SON: variants seen among roughly 807,000 people sequenced by gnomAD.
The protein encoded by SON is SON DNA and RNA binding protein, also known as protein SON.
SON carries 4 observed loss-of-function variants against 173.3 expected under a neutral mutation model. That is an observed-to-expected ratio of 0.02 (90% CI 0.01 to 0.05). SON has a LOEUF of 0.05. Ranked by LOEUF, SON falls within the 10% of genes least tolerant of loss-of-function variation. The pLI, the probability that SON is intolerant of heterozygous loss-of-function variation, is 1.00. For synonymous variants in SON, 1,190 were observed against 1,105.9 expected (o/e 1.08, Z -1.51); for missense variants, 2,626 against 3,055.3 (o/e 0.86, Z 3.31).
Position 33,553,539 on chromosome 21 carries a change from A to G in SON, c.4308A>G (p.Pro1436=), listed in dbSNP as rs1434837184. 1 of 1,614,176 alleles carries G rather than the reference A, an allele frequency of 6.2e-7. No individual in the cohort carries two copies. The highest frequency in any genetic ancestry group is 2.2e-5 in the East Asian group (1 of 44,882). The change falls in exon 3 of 12, where the codon CCA becomes CCG. Residue 1436 remains proline (P), a synonymous_variant. Coordinates refer to ENST00000356577, the MANE Select transcript of SON (RefSeq NM_138927.4). ...VLQPSMIVSE[P]SVSVQESTVT... is the part of the protein sequence containing the mutation. ...AACCTTCTATGATTGTTTCAGAACC[A>G]TCTGTTTCTGTCCAGGAATCGACTG...
Position 33,559,885 on chromosome 21 carries a change from T to A in SON, c.6657+110T>A, listed in dbSNP as rs765741571. The A allele has an allele frequency of 1.2e-6, 2 of 1,606,844 alleles. No individual in the cohort carries two copies. Among genetic ancestry groups the A allele is most frequent in the Non-Finnish European group, 1.7e-6 (2 of 1,174,640 alleles). The stretch of plus-strand genomic sequence containing the variant: ...TGTTTCACTCTTCTTAGGGCCGGGT[T>A]AAACGGCAGGGCCGGGTTAGACGAC... On this transcript the variant is annotated intron_variant, in intron 6 of 11. Transcript: ENST00000356577. The surrounding 1 kb of genome is among the most constrained non-coding windows in gnomAD (Gnocchi z 4.1).
intron 4 of SON, chr21:33,557,702 A>AATCTTCAGAAATG: frequency 7.0e-7 from 1 of 1,438,198 alleles, no homozygotes; most frequent in Non-Finnish European, 9.1e-7. Context: ...AGACACAGAC[A>AATCTTCAGAAATG]ATCTTCAGAA....
In SON at chr21:33,552,185, G is replaced by A; in HGVS notation, c.2954G>A (p.Arg985Lys). 1.9e-6 allele frequency: 3 copies of A among 1,614,102 alleles called. No individual in the cohort carries two copies. The highest frequency in any genetic ancestry group is 2.5e-6 in the Non-Finnish European group (3 of 1,179,980). ...RSYRIAPRPY[R>K]LAPRPLMLAS... is the part of the protein sequence containing the mutation. ...TATAGAATAGCACCCAGGCCATATA[G>A]GTTAGCACCTAGACCCCTGATGTTA... Residue 985 changes from arginine (R) to lysine (K), a missense_variant, in exon 3 of 12, where the codon AGG becomes AAG. Around this residue, in one of 13 missense-constraint regions of SON, gnomAD observed 366 missense variants for 448.6 expected, o/e 0.82. Transcript: ENST00000356577. The surrounding 1 kb of genome is among the most constrained non-coding windows in gnomAD (Gnocchi z 5.6).
At chr21:33,574,780 T>TA (rs1242394166) in intron 9 of SON, among the ~76,000 whole-genome samples, 1 of 152,226 alleles carries the variant, frequency 6.6e-6, no homozygotes, top group African/African-American at 2.4e-5. Context: ...TGTTTGGGTT[T>TA]AGCAATGTAG....
Position 33,551,009 on chromosome 21 carries a change from C to T in SON, c.1778C>T (p.Ala593Val). 6.2e-7 allele frequency: 1 copy of T among 1,607,502 alleles called. No individual in the cohort carries two copies. Among genetic ancestry groups the T allele is most frequent in the Non-Finnish European group, 8.5e-7 (1 of 1,176,248 alleles). Residue 593 changes from alanine (A) to valine (V), a missense_variant, in exon 3 of 12, where the codon GCA (alanine) becomes GTA (valine). By Grantham distance (64) the Ala-to-Val change is moderately conservative. Coordinates refer to ENST00000356577, the MANE Select transcript of SON (RefSeq NM_138927.4). ...TCGGGGCAGCCTGTGGCAACTGGGGCACTAGAGTTGCCTGGGCCGCTCATG... is the reference window on the plus strand; with the variant it reads ...TCGGGGCAGCCTGTGGCAACTGGGGTACTAGAGTTGCCTGGGCCGCTCATG... ...ELSGQPVATG[A>V]LELPGPLMAA...
At chr21:33,566,239 A>C (rs1202602129) in intron 6 of SON, among the ~76,000 whole-genome samples, 1 of 152,146 alleles carries the variant, frequency 6.6e-6, no homozygotes, top group Non-Finnish European at 1.5e-5. Flanking sequence ...GGAAATAATA[A>C]TAATGTTAAA....
At chr21:33,575,043 A>G (rs1464584158) in intron 9 of SON, among the ~76,000 whole-genome samples, 3 of 151,542 alleles carry the variant, frequency 2.0e-5, no homozygotes, top group Admixed American at 6.6e-5. Context: ...GCAATAAGCT[A>G]TTTTTTTTCT....
intron 6 of SON, among the ~76,000 whole-genome samples, chr21:33,566,119 ATTTG>A (rs1225928311): frequency 1.5e-4 from 23 of 152,130 alleles, no homozygotes; most frequent in Admixed American, 9.2e-4. Context: ...ACTTCCCCGT[ATTTG>A]TTATGTTCAT....
At chr21:33,555,838 A>T (rs1028600328) in intron 3 of SON, among the ~76,000 whole-genome samples, 2 of 152,218 alleles carry the variant, frequency 1.3e-5, no homozygotes, top group Non-Finnish European at 2.9e-5. Context: ...AGGACTGTTA[A>T]ATGAAGGTAA....
At position 33,554,517 on chromosome 21, in the gene SON, A is replaced by G. The variant is rs528445093; in HGVS notation, c.5286A>G (p.Gly1762=). The G allele has an allele frequency of 6.2e-6, 10 of 1,614,156 alleles. No individual in the cohort carries two copies. The East Asian group carries it at 2.2e-4, about 36-fold the overall frequency. ...GACCTTTACTTGCAAGTGATGTTGG[A>G]CGTGACAGATCTGCTGCCAGCCCGG... ...IEGPLLASDV[G]RDRSAASPVV... is the part of the protein sequence containing the mutation. The change falls in exon 3 of 12, where the codon GGA becomes GGG. Residue 1762 remains glycine (G), a synonymous_variant. Coordinates refer to ENST00000356577, the MANE Select transcript of SON (RefSeq NM_138927.4).
intron 2 of SON, 135 bp from the exon 3 acceptor site, chr21:33,549,341 A>G: frequency 1.5e-6 from 1 of 664,994 alleles, no homozygotes; most frequent in Non-Finnish European, 2.3e-6. Flanking sequence ...TCAGAGTGCT[A>G]AGATTACAGG....
In SON at chr21:33,554,453, A is replaced by G; in HGVS notation, c.5222A>G (p.Asp1741Gly). 1 of 1,614,214 alleles carries G rather than the reference A, an allele frequency of 6.2e-7. No individual in the cohort carries two copies. The change falls in exon 3 of 12, where the codon GAC (aspartate) becomes GGC (glycine). Residue 1741 changes from aspartate to glycine, a missense_variant. Physicochemically the swap from Asp to Gly is moderately conservative, Grantham distance 94. This residue lies in a region of SON where 1,006 missense variants were observed against 895.6 expected (regional missense o/e 1.12). Coordinates refer to ENST00000356577, the MANE Select transcript of SON (RefSeq NM_138927.4). ...TTAGTGAGACCGTTACTTCCTAAGGACATGGAACGTCTTACAAGCCTTAGA... is the reference window on the plus strand; with the variant it reads ...TTAGTGAGACCGTTACTTCCTAAGGGCATGGAACGTCTTACAAGCCTTAGA... ...ADLVRPLLPK[D>G]MERLTSLRAG... is the part of the protein sequence containing the mutation.
In SON at chr21:33,550,120, G is replaced by T; in HGVS notation, c.889G>T (p.Ala297Ser). The T allele has an allele frequency of 6.2e-7, 1 of 1,614,162 alleles. No individual in the cohort carries two copies. Among genetic ancestry groups the T allele is most frequent in the Non-Finnish European group, 8.5e-7 (1 of 1,180,040 alleles). Reference sequence around the variant, plus strand: ...GATCATGTTGGTAGAGCCCCCAGTAGCAAAAGTGTTAGAGCCTTCAGAAAC... The same window carrying T: ...GATCATGTTGGTAGAGCCCCCAGTATCAAAAGTGTTAGAGCCTTCAGAAAC... Reference protein sequence around the residue: ...SKIMLVEPPVAKVLEPSETLV... With the variant: ...SKIMLVEPPVSKVLEPSETLV... The change falls in exon 3 of 12, where the codon GCA becomes TCA. Residue 297 changes from alanine (A) to serine (S), a missense_variant. By Grantham distance (99) the Ala-to-Ser change is moderately conservative. Around this residue, in one of 13 missense-constraint regions of SON, gnomAD observed 757 missense variants for 730.1 expected, o/e 1.04. Transcript: ENST00000356577.
At chr21:33,564,113 T>A (rs935259755) in intron 6 of SON, among the ~76,000 whole-genome samples, 1 of 152,226 alleles carries the variant, frequency 6.6e-6, no homozygotes, top group Non-Finnish European at 1.5e-5. Context: ...TTCTACAGAT[T>A]AAAGATTCTC....
At position 33,549,833 on chromosome 21, in the gene SON, T is replaced by C; in HGVS notation, c.602T>C (p.Ile201Thr). Reference protein sequence around the residue: ...VVSMEVSEPHILETLKPATKT... With the variant: ...VVSMEVSEPHTLETLKPATKT... ...TCAATGGAGGTATCAGAGCCACACA[T>C]CTTAGAAACTCTGAAGCCAGCTACA... The change falls in exon 3 of 12, where the codon ATC (isoleucine) becomes ACC (threonine). Residue 201 changes from isoleucine (I) to threonine (T), a missense_variant. By Grantham distance (89) the Ile-to-Thr change is moderately conservative. Transcript: ENST00000356577. 6.2e-7 allele frequency: 1 copy of C among 1,614,234 alleles called. No homozygotes were observed. Among genetic ancestry groups the C allele is most frequent in the Non-Finnish European group, 8.5e-7 (1 of 1,180,036 alleles).
Position 33,554,747 on chromosome 21 carries a change from G to A in SON, c.5516G>A (p.Arg1839His), listed in dbSNP as rs780120518. 8.1e-6 allele frequency: 13 copies of A among 1,613,798 alleles called. No individual in the cohort carries two copies. The highest frequency in any genetic ancestry group is 1.1e-5 in the South Asian group (1 of 91,070). Residue 1839 changes from arginine (R) to histidine (H), a missense_variant, in exon 3 of 12, where the codon CGT becomes CAT. Arg to His is a conservative substitution (Grantham distance 29). Transcript: ENST00000356577. ...TCTTCTGAACACAAATCACGCAAGC[G>A]TACCAGTGAATCTCGTTCTAGGGCA... Reference protein sequence around the residue: ...SKSSEHKSRKRTSESRSRARK... With the variant: ...SKSSEHKSRKHTSESRSRARK...
At chr21:33,572,185 ATATAT>A (rs1283104164) in intron 8 of SON, 1 of 133,126 alleles carries the variant, frequency 7.5e-6, no homozygotes, top group East Asian at 2.0e-4. Flanking sequence ...ATATATTTAT[ATATAT>A]ATATATATAT....
intron 9 of SON, 101 bp downstream of exon 9, chr21:33,573,556 T>G (rs952058934): frequency 3.9e-6 from 4 of 1,014,706 alleles, no homozygotes; most frequent in Admixed American, 2.4e-5. Flanking sequence ...GCACTTCTTG[T>G]ATATATACAG....
rs768875074 is a variant in SON, at chr21:33,555,267, C to T, written c.6036C>T (p.Ile2012=). Residue 2012 remains isoleucine, a synonymous_variant, in exon 3 of 12, where the codon ATC becomes ATT. Coordinates refer to ENST00000356577, the MANE Select transcript of SON (RefSeq NM_138927.4). ...RSVVRRRSFS[I]SPVRLRRSRT... ...TGGTAAGAAGACGAAGCTTCAGTAT[C>T]TCACCAGTCAGATTAAGGCGATCAA... is the stretch of plus-strand genomic sequence containing the variant. 1 of 1,612,702 alleles carries T rather than the reference C, an allele frequency of 6.2e-7. No homozygotes were observed. Among genetic ancestry groups the T allele is most frequent in the East Asian group, 2.2e-5 (1 of 44,738 alleles).
Sources: gnomAD v4.1 joint callset for allele counts (sites outside exome capture counted in the v4.1 genomes callset) on GRCh38, gnomAD v4.1.1 for gene constraint, gnomAD v4.1.1 regional missense constraint, Gnocchi (gnomAD v3.1) non-coding constraint, MANE v1.5 for transcripts, NCBI Gene and HGNC (gene_info 2026-07-23, HGNC 2026-07-21) for gene names.